The following ADAM23 variants were observed in gnomAD, a reference collection of about 807,000 sequenced individuals.
ADAM23 encodes ADAM metallopeptidase domain 23.
ADAM23 carries 33 observed loss-of-function variants against 120.1 expected under a neutral mutation model. The ratio of observed to expected loss-of-function variants is 0.27; its 90% CI spans 0.21 to 0.37. The LOEUF is 0.37. Among genes scored for constraint, ADAM23 ranks in the 10% least tolerant of loss-of-function variants. The probability of loss-of-function intolerance (pLI) is 1.00; values close to 1 mark genes in which losing one functional copy is unlikely to be tolerated. For synonymous variants in ADAM23, 367 were observed against 375.2 expected, an observed-to-expected ratio of 0.98 and a Z score of 0.25; for missense variants, 862 against 1,058.2, an observed-to-expected ratio of 0.81 and a Z score of 2.57.
At chr2:206,564,728 A>G (rs1697843651) in intron 13 of ADAM23, among the ~76,000 whole-genome samples, 1 of 152,204 alleles carries the variant, frequency 6.6e-6, no homozygotes, top group Non-Finnish European at 1.5e-5. Flanking sequence ...CTTTTCACTA[A>G]ACATTAGAAC....
chr2:206,544,468 A>G (rs1014118023), intron 6 of ADAM23, among the ~76,000 whole-genome samples: 6 of 152,210 alleles, frequency 3.9e-5, no homozygotes, highest in Admixed American at 6.5e-5. Flanking sequence ...TTTGGTGACA[A>G]AATAGACAGA....
intron 2 of ADAM23, 43 bp from the exon 3 acceptor site, chr2:206,481,189 C>A (rs780791614): frequency 2.7e-6 from 4 of 1,485,180 alleles, no homozygotes; most frequent in Non-Finnish European, 3.7e-6. Context: ...GTCTTAAAGA[C>A]AGGAAAGTAA....
At chr2:206,567,761 A>C (rs1697918176) in intron 15 of ADAM23, among the ~76,000 whole-genome samples, 3 of 152,190 alleles carry the variant, frequency 2.0e-5, no homozygotes, top group Non-Finnish European at 4.4e-5. Context: ...TGCTATAAAG[A>C]TACTACCTCA....
intron 3 of ADAM23, among the ~76,000 whole-genome samples, chr2:206,520,431 G>A (rs1051877031): frequency 6.6e-6 from 1 of 152,106 alleles, no homozygotes; most frequent in African/African-American, 2.4e-5. Flanking sequence ...ATAAATTTTA[G>A]GACAAACATC....
intron 2 of ADAM23, among the ~76,000 whole-genome samples, chr2:206,473,971 C>T (rs1215157671): frequency 6.8e-6 from 1 of 147,804 alleles, no homozygotes; most frequent in Non-Finnish European, 1.5e-5. Flanking sequence ...GTGATTGCAC[C>T]ACTCCACACC....
chr2:206,467,784 G>A (rs754928908), intron 2 of ADAM23, among the ~76,000 whole-genome samples: 2 of 152,156 alleles, frequency 1.3e-5, no homozygotes, highest in Non-Finnish European at 2.9e-5. Flanking sequence ...TGAGGGCTCC[G>A]CCCCTGAAGC....
At chr2:206,461,672 T>G (rs758673595) in intron 2 of ADAM23, among the ~76,000 whole-genome samples, 41 of 152,088 alleles carry the variant, frequency 2.7e-4, no homozygotes, top group Non-Finnish European at 5.3e-4. Flanking sequence ...TCTGGATGCG[T>G]TTGTTCTCTA....
chr2:206,472,746 C>G (rs911127800), intron 2 of ADAM23, among the ~76,000 whole-genome samples: 24 of 152,136 alleles, frequency 1.6e-4, no homozygotes, highest in African/African-American at 5.8e-4. Context: ...TTAAAATTGA[C>G]AAATCCATAA....
chr2:206,594,064 T>C (rs879500243), intron 22 of ADAM23, among the ~76,000 whole-genome samples: 3 of 151,920 alleles, frequency 2.0e-5, no homozygotes, highest in Non-Finnish European at 4.4e-5. Flanking sequence ...TAATATGCTA[T>C]ACAGAAGTGT....
At chr2:206,464,735 A>G (rs999189190) in intron 2 of ADAM23, among the ~76,000 whole-genome samples, 1 of 152,088 alleles carries the variant, frequency 6.6e-6, no homozygotes, top group Non-Finnish European at 1.5e-5. Flanking sequence ...GACATTTGGC[A>G]GTGTCTGGAG....
intron 2 of ADAM23, among the ~76,000 whole-genome samples, chr2:206,474,377 CAAATTTTGCTGAGTGT>C (rs1446796123): frequency 2.0e-5 from 3 of 152,034 alleles, no homozygotes; most frequent in African/African-American, 7.2e-5. Flanking sequence ...ACAAAATTTG[CAAATTTTGCTGAGTGT>C]AAATGCACAT....
intron 3 of ADAM23, among the ~76,000 whole-genome samples, chr2:206,508,188 C>T (rs1371322346): frequency 6.6e-6 from 1 of 152,078 alleles, no homozygotes; most frequent in Non-Finnish European, 1.5e-5. Context: ...CACCACCACG[C>T]CCAGCTAATT....
chr2:206,534,949 C>A (rs1403835931), intron 4 of ADAM23, among the ~76,000 whole-genome samples: 1 of 151,190 alleles, frequency 6.6e-6, no homozygotes, highest in Non-Finnish European at 1.5e-5. Flanking sequence ...CCAGTTCCTC[C>A]CTCCCTTTTT....
At chr2:206,540,407 T>G (rs1697267078) in intron 4 of ADAM23, among the ~76,000 whole-genome samples, 1 of 152,122 alleles carries the variant, frequency 6.6e-6, no homozygotes, top group Non-Finnish European at 1.5e-5. Context: ...CTGTGAGACT[T>G]GAGTATGTGC....
At chr2:206,481,331 C>G in intron 3 of ADAM23, 23 bp downstream of exon 3, 1 of 1,538,088 alleles carries the variant, frequency 6.5e-7, no homozygotes, top group South Asian at 1.2e-5. Context: ...ACATAATCTT[C>G]TTAAGAAGCA....
intron 2 of ADAM23, among the ~76,000 whole-genome samples, chr2:206,461,562 G>C (rs905143697): frequency 3.7e-4 from 57 of 152,236 alleles, no homozygotes; most frequent in African/African-American, 1.3e-3. Flanking sequence ...ACTTTAGTGT[G>C]AGTTGGAACC....
intron 2 of ADAM23, among the ~76,000 whole-genome samples, chr2:206,446,539 A>T (rs539347994): frequency 3.3e-5 from 5 of 152,166 alleles, no homozygotes; most frequent in Non-Finnish European, 7.4e-5. Flanking sequence ...AACAGTATTT[A>T]TCCCCATTTT....
At chr2:206,586,002 A>C (rs958224133) in intron 18 of ADAM23, among the ~76,000 whole-genome samples, 1 of 152,170 alleles carries the variant, frequency 6.6e-6, no homozygotes, top group Non-Finnish European at 1.5e-5. Context: ...ATTTGAGCAA[A>C]GCTCTAACAA....
At chr2:206,482,416 G>GT (rs1695916684) in intron 3 of ADAM23, among the ~76,000 whole-genome samples, 1 of 152,206 alleles carries the variant, frequency 6.6e-6, no homozygotes, top group African/African-American at 2.4e-5. Flanking sequence ...TAATTTTAGT[G>GT]TAAGTCCTCA....
Sources: allele counts gnomAD v4.1 joint callset (sites outside exome capture counted in the v4.1 genomes callset), GRCh38; gene constraint gnomAD v4.1.1; transcripts MANE v1.5; gene names NCBI Gene and HGNC (gene_info 2026-07-23, HGNC 2026-07-21).